Variants in SMCO2 observed in about 807,000 individuals in gnomAD.
SMCO2 encodes single-pass membrane and coiled-coil domain-containing protein 2.
A neutral mutation model predicts 29.5 loss-of-function variants in SMCO2; 25 were observed. The ratio of observed to expected loss-of-function variants is 0.85; its 90% CI spans 0.62 to 1.18. The LOEUF is 1.18. Among genes scored for constraint, SMCO2 ranks in the 50% most tolerant of loss-of-function variants. The pLI is 0.00. For synonymous variants in SMCO2, 117 were observed against 123.3 expected, an observed-to-expected ratio of 0.95 and a Z score of 0.34; for missense variants, 348 against 344.5, an observed-to-expected ratio of 1.01 and a Z score of -0.08.
Position 27,502,121 on chromosome 12 carries a change from A to C in SMCO2, c.882A>C (p.Ter294TyrextTer?), listed in dbSNP as rs780901780. The change falls in exon 8 of 8, where the codon TAA becomes TAC. Residue 294 changes from the stop codon to tyrosine, a stop_lost. Transcript: ENST00000298876. The stretch of plus-strand genomic sequence containing the variant: ...AAGTGGAAGCCTTGTTACCCTCCTA[A>C]AGATACAGAAGTTACTGTCACCCTA... The C allele has an allele frequency of 5.8e-5, 89 of 1,524,242 alleles. 2 individuals carry two copies. The highest frequency in any genetic ancestry group is 7.8e-5 in the Non-Finnish European group (88 of 1,134,596). The allele number at this position is 1,524,242 out of a possible 1,614,324, so 94.4% of individuals were successfully genotyped here.
At chr12:27,496,008 T>C (rs1347770879) in intron 7 of SMCO2, among the ~76,000 whole-genome samples, 153 bp downstream of exon 8, 1 of 150,482 alleles carries the variant, frequency 6.6e-6, no homozygotes, top group Non-Finnish European at 1.5e-5. Flanking sequence ...TTGGAGTTCA[T>C]TGGAGTCATG....
upstream of SMCO2, among the ~76,000 whole-genome samples, chr12:27,466,146 G>A (rs1949496932): frequency 6.6e-6 from 1 of 152,220 alleles, no homozygotes; most frequent in South Asian, 2.1e-4. Context: ...CTTGGGCCCG[G>A]TGCAGTGGCT....
intron 4 of SMCO2, 116 bp from the exon 5 acceptor site, chr12:27,475,466 T>C: frequency 8.6e-7 from 1 of 1,163,764 alleles, no homozygotes; most frequent in Non-Finnish European, 1.1e-6. Context: ...CTGGCCCATT[T>C]TGGTGACAAG....
chr12:27,427,212 C>T, the SMCO2 span, among the ~76,000 whole-genome samples: 1 of 152,136 alleles, frequency 6.6e-6, no homozygotes, highest in South Asian at 2.1e-4. Context: ...TTTATCCAGC[C>T]CAGTGGTTTT....
the SMCO2 span, among the ~76,000 whole-genome samples, chr12:27,435,893 A>G: frequency 0.71 from 108,598 of 152,054 alleles, 39,065 homozygotes; most frequent in Middle Eastern, 0.88. Flanking sequence ...CATTCCTACT[A>G]TCTTAGTCCA....
intron 4 of SMCO2, among the ~76,000 whole-genome samples, chr12:27,478,825 G>A (rs953435620): frequency 6.6e-6 from 1 of 152,140 alleles, no homozygotes; most frequent in Non-Finnish European, 1.5e-5. Context: ...ATGATGTGTG[G>A]CAGGCACTGG....
Position 27,470,608 on chromosome 12 carries a change from T to A in SMCO2, c.-10-14T>A. 1 of 1,549,048 alleles carries A rather than the reference T, an allele frequency of 6.5e-7. No individual in the cohort carries two copies. Among genetic ancestry groups the A allele is most frequent in the Non-Finnish European group, 8.7e-7 (1 of 1,145,642 alleles). Reference sequence around the variant, plus strand: ...GCCATAAAATCCCTCTTGTTGTCATTATTGTCCTTACAGTGCCGAAGAAAT... The same window carrying A: ...GCCATAAAATCCCTCTTGTTGTCATAATTGTCCTTACAGTGCCGAAGAAAT... On this transcript the variant is annotated splice_polypyrimidine_tract_variant and intron_variant, in intron 1 of 7. Transcript: ENST00000298876.
chr12:27,457,276 C>T, the SMCO2 span, among the ~76,000 whole-genome samples: 3 of 152,142 alleles, frequency 2.0e-5, no homozygotes, highest in East Asian at 1.9e-4. Context: ...TGTGATTTAA[C>T]GTTCTGCTGT....
chr12:27,470,719 A>T, exon 2 of SMCO2: 1 of 1,551,198 alleles, frequency 6.4e-7, no homozygotes, highest in South Asian at 1.2e-5. Flanking sequence ...TAAGAAAAAC[A>T]ATGGCTTTTT....
chr12:27,432,277 T>C, the SMCO2 span, among the ~76,000 whole-genome samples: 3 of 152,262 alleles, frequency 2.0e-5, no homozygotes, highest in Non-Finnish European at 4.4e-5. Flanking sequence ...GCAGTCCTAC[T>C]TGTCTATTTT....
At chr12:27,492,892 C>T (rs1180312907) in intron 5 of SMCO2, among the ~76,000 whole-genome samples, 4 of 152,148 alleles carry the variant, frequency 2.6e-5, no homozygotes, top group Non-Finnish European at 5.9e-5. Flanking sequence ...TGAATGTTCA[C>T]TGAAGCACTA....
rs977250804 is a variant in SMCO2, at chr12:27,501,422, A to C, written c.684-501A>C. 5.9e-4 allele frequency among the ~76,000 whole-genome samples: 75 copies of C among 127,762 alleles called. 9 individuals carry two copies. Among genetic ancestry groups the C allele is most frequent in the African/African-American group, 2.6e-3 (70 of 26,766 alleles). The allele number at this position is 127,762 out of a possible 152,430, so 83.8% of individuals were successfully genotyped here. A position where few individuals can be genotyped will look rare whatever the true frequency, so the allele number is the denominator to read the frequency against. On this transcript the variant is annotated intron_variant, in intron 7 of 7. Coordinates refer to ENST00000298876, the Ensembl canonical transcript of SMCO2. ...AAGAGTGAGACTCCGTCTCAAAAAAAAAAAAAAAAAAAAAACAAACAAACA... is the reference window on the plus strand; with the variant it reads ...AAGAGTGAGACTCCGTCTCAAAAAACAAAAAAAAAAAAAAACAAACAAACA...
chr12:27,424,819 G>A, the SMCO2 span: 27 of 152,338 alleles, frequency 1.8e-4, 1 homozygote, highest in African/African-American at 5.1e-4. Flanking sequence ...CCACTTTTCT[G>A]TTTTTGTAAT....
intron 4 of SMCO2, among the ~76,000 whole-genome samples, chr12:27,483,782 A>G (rs918600353): frequency 6.6e-6 from 1 of 152,204 alleles, no homozygotes. Context: ...TTCTTAAACT[A>G]TCACTATCTG....
chr12:27,452,693 C>T, the SMCO2 span, among the ~76,000 whole-genome samples: 6,365 of 152,204 alleles, frequency 0.042, 457 homozygotes, highest in African/African-American at 0.15. Flanking sequence ...TGACTATGTT[C>T]CTCAGACTGG....
chr12:27,437,296 G>GCATC, the SMCO2 span, among the ~76,000 whole-genome samples: 1 of 152,052 alleles, frequency 6.6e-6, no homozygotes, highest in Non-Finnish European at 1.5e-5. Flanking sequence ...AACATAGTGG[G>GCATC]CATCCATTTG....
At chr12:27,465,490 C>T (rs1198835144), upstream of SMCO2, among the ~76,000 whole-genome samples, 1 of 152,156 alleles carries the variant, frequency 6.6e-6, no homozygotes, top group African/African-American at 2.4e-5. Context: ...TGGTTCCTAA[C>T]TAGGTAGGGC....
intron 1 of SMCO2, among the ~76,000 whole-genome samples, chr12:27,469,171 C>T (rs1359588709): frequency 6.6e-6 from 1 of 152,120 alleles, no homozygotes; most frequent in Non-Finnish European, 1.5e-5. Context: ...CTTGGAATTG[C>T]CTTTGTAATG....
chr12:27,487,904 G>A (rs1464981428), intron 4 of SMCO2, among the ~76,000 whole-genome samples: 1 of 151,252 alleles, frequency 6.6e-6, no homozygotes, highest in African/African-American at 2.4e-5. Context: ...GTCTGTGCAT[G>A]CCTTTTGCTT....
Sources: allele counts gnomAD v4.1 joint callset (sites outside exome capture counted in the v4.1 genomes callset), GRCh38; gene constraint gnomAD v4.1.1; transcripts MANE v1.5; gene names NCBI Gene and HGNC (gene_info 2026-07-23, HGNC 2026-07-21).